The following GPBP1L1 variants were observed in gnomAD, a reference collection of about 807,000 sequenced individuals.
The protein encoded by GPBP1L1 is GC-rich promoter binding protein 1 like 1, also known as vasculin-like protein 1.
In GPBP1L1, 23 loss-of-function variants were observed where a neutral mutation model predicts 52.5. That is an observed-to-expected ratio of 0.44 (90% confidence interval 0.32 to 0.62). The LOEUF is 0.62. Among genes scored for constraint, GPBP1L1 ranks in the 20% least tolerant of loss-of-function variants. The pLI is 0.06. For synonymous variants in GPBP1L1, 243 were observed against 203.1 expected, an observed-to-expected ratio of 1.20 and a Z score of -1.67; for missense variants, 596 against 579.3, an observed-to-expected ratio of 1.03 and a Z score of -0.30.
intron 4 of GPBP1L1, among the ~76,000 whole-genome samples, chr1:45,657,766 T>C (rs915768992): frequency 6.6e-6 from 1 of 152,122 alleles, no homozygotes; most frequent in Admixed American, 6.5e-5. Context: ...GGCGAGAGGA[T>C]TGCTTGAGCC....
At chr1:45,676,583 A>G (rs552292937) in intron 2 of GPBP1L1, among the ~76,000 whole-genome samples, 17 of 151,928 alleles carry the variant, frequency 1.1e-4, no homozygotes, top group African/African-American at 3.4e-4. Flanking sequence ...GGTGGCAGGC[A>G]CCTGTAATCC....
chr1:45,642,404 T>C, intron 7 of GPBP1L1, 23 bp downstream of exon 7: 1 of 1,588,798 alleles, frequency 6.3e-7, no homozygotes, highest in South Asian at 1.1e-5. Flanking sequence ...AGTTGTGCCT[T>C]TAAAATGGCA....
chr1:45,640,220 G>A lies in GPBP1L1; in HGVS notation c.734C>T (p.Pro245Leu). The change falls in exon 8 of 13, where the codon CCT becomes CTT. Residue 245 changes from proline to leucine, a missense_variant. By Grantham distance (98) the Pro-to-Leu change is moderately conservative (BLOSUM62 -3). Transcript: ENST00000355105. ...GATTCTAAATCATACCTTGGAAGGA[G>A]GTGGTACAGGCTTAGGAACCAGGTT... Reference protein sequence around the residue: ...YKNLVPKPVPPPSKPNAWKAN... With the variant: ...YKNLVPKPVPLPSKPNAWKAN... 1 of 1,612,940 alleles carries A rather than the reference G, an allele frequency of 6.2e-7. No individual in the cohort carries two copies. Among genetic ancestry groups the A allele is most frequent in the Non-Finnish European group, 8.5e-7 (1 of 1,178,980 alleles).
At chr1:45,651,589 A>G in intron 6 of GPBP1L1, 1 of 658,676 alleles carries the variant, frequency 1.5e-6, no homozygotes, top group East Asian at 2.8e-5. Context: ...TGAACTGGTT[A>G]ATCGCAGGAG....
intron 2 of GPBP1L1, among the ~76,000 whole-genome samples, chr1:45,671,758 A>G (rs1007436887): frequency 6.6e-6 from 1 of 152,132 alleles, no homozygotes; most frequent in African/African-American, 2.4e-5. Context: ...TGGGAAGCTG[A>G]GGCCGCAGTG....
rs937442603 is a variant in GPBP1L1 at position 45,627,746 on chromosome 1, A to C, written c.*510T>G. On this transcript the variant is annotated 3_prime_UTR_variant, in exon 13 of 13. Coordinates refer to ENST00000355105, the MANE Select transcript of GPBP1L1 (RefSeq NM_021639.5). ...AAAGAAAAAAAAAACAAAAAAAAACAACCAAAAAAACCCACATATGCTTGG... is the reference window on the plus strand; with the variant it reads ...AAAGAAAAAAAAAACAAAAAAAAACCACCAAAAAAACCCACATATGCTTGG... 2 of 152,448 alleles carry C rather than the reference A, an allele frequency of 1.3e-5. No homozygotes were observed. Among genetic ancestry groups the C allele is most frequent in the African/African-American group, 4.8e-5 (2 of 41,428 alleles). 9.4% of individuals were successfully genotyped at this position (152,448 alleles called of 1,614,324 possible).
chr1:45,657,486 T>C (rs961392001), intron 4 of GPBP1L1, among the ~76,000 whole-genome samples: 2 of 152,200 alleles, frequency 1.3e-5, no homozygotes, highest in East Asian at 3.9e-4. Context: ...CAGTAAGCCA[T>C]GATCGCACCA....
chr1:45,653,736 T>C (rs1313947130), intron 6 of GPBP1L1, among the ~76,000 whole-genome samples: 3 of 150,016 alleles, frequency 2.0e-5, no homozygotes, highest in Non-Finnish European at 3.0e-5. Context: ...TCTCACTCTA[T>C]TGCCCAGACT....
In GPBP1L1 at chr1:45,640,381, T is replaced by C. The variant is rs1644656202; in HGVS notation, c.573A>G (p.Gln191=). ...TTTTGATAACTAGCATCTTGGAGGG[T>C]TGCTTGGCACTAGGCGGGTTTTCTG... ...GVWENPPSAK[Q]PSKMLVIKKV... The change falls in exon 8 of 13, where the codon CAA becomes CAG. Residue 191 remains glutamine (Q), a synonymous_variant. Coordinates refer to ENST00000355105, the MANE Select transcript of GPBP1L1 (RefSeq NM_021639.5). 6.2e-7 allele frequency: 1 copy of C among 1,613,778 alleles called. No homozygotes were observed. The highest frequency in any genetic ancestry group is 1.7e-5 in the Admixed American group (1 of 59,986).
intron 6 of GPBP1L1, among the ~76,000 whole-genome samples, chr1:45,648,166 C>T (rs371477249): frequency 4.6e-5 from 7 of 152,116 alleles, no homozygotes; most frequent in Admixed American, 3.9e-4. Flanking sequence ...TCTCAAACTC[C>T]TGGACTCAAG....
intron 5 of GPBP1L1, 69 bp from the exon 6 acceptor site, chr1:45,654,898 G>A (rs1644865848): frequency 6.9e-7 from 1 of 1,442,292 alleles, no homozygotes; most frequent in Admixed American, 2.5e-5. Context: ...ATTGGCCAAA[G>A]GCCTTCAGGA....
chr1:45,683,699 C>A (rs370799634), intron 2 of GPBP1L1, among the ~76,000 whole-genome samples: 1 of 143,416 alleles, frequency 7.0e-6, no homozygotes, highest in Non-Finnish European at 1.5e-5. Flanking sequence ...TCCCTGAGTT[C>A]GAGACCAGCT....
chr1:45,628,932 G>T (rs1408207920), intron 12 of GPBP1L1, among the ~76,000 whole-genome samples: 1 of 152,216 alleles, frequency 6.6e-6, no homozygotes. Context: ...AAAGTGTTGG[G>T]ATTACAGGCG....
Position 45,642,515 on chromosome 1 carries a change from T to C in GPBP1L1, c.478-16A>G. 1 of 1,604,724 alleles carries C rather than the reference T, an allele frequency of 6.2e-7. No individual in the cohort carries two copies. Among genetic ancestry groups the C allele is most frequent in the Non-Finnish European group, 8.5e-7 (1 of 1,171,510 alleles). ...TCAAGGAAGGCTAGGAAAAAAGGGA[T>C]ATGAATGGTTGATACAGAAAGCTGA... On this transcript the variant is annotated splice_polypyrimidine_tract_variant and intron_variant, in intron 6 of 12. Coordinates refer to ENST00000355105, the MANE Select transcript of GPBP1L1 (RefSeq NM_021639.5).
At chr1:45,656,919 C>T (rs568063786) in intron 4 of GPBP1L1, among the ~76,000 whole-genome samples, 1 of 152,178 alleles carries the variant, frequency 6.6e-6, no homozygotes, top group African/African-American at 2.4e-5. Flanking sequence ...TCCTGGCTTT[C>T]AAGCAATCCT....
At chr1:45,642,935 C>T (rs1644692614) in intron 6 of GPBP1L1, among the ~76,000 whole-genome samples, 1 of 152,080 alleles carries the variant, frequency 6.6e-6, no homozygotes, top group Non-Finnish European at 1.5e-5. Context: ...AGGGGCAGAC[C>T]ATATGCCAAG....
intron 2 of GPBP1L1, among the ~76,000 whole-genome samples, chr1:45,678,954 C>T (rs1028121323): frequency 4.6e-5 from 7 of 152,152 alleles, no homozygotes; most frequent in African/African-American, 9.7e-5. Flanking sequence ...AAAAAATGCA[C>T]GGAGTTGTGA....
chr1:45,630,516 C>T lies in GPBP1L1; in HGVS notation c.1135G>A (p.Glu379Lys), dbSNP rs1644516631. The T allele has an allele frequency of 6.2e-7, 1 of 1,613,984 alleles. No homozygotes were observed. The highest frequency in any genetic ancestry group is 1.1e-5 in the South Asian group (1 of 91,078). ...GCTTCTAGAGAGTGTGAGAGAACCT[C>T]CCCTTCTTCCACTACAGGGAGGGCA... Reference protein sequence around the residue: ...GLALPVVEEGEVLSHSLEAEH... With the variant: ...GLALPVVEEGKVLSHSLEAEH... The change falls in exon 11 of 13, where the codon GAG becomes AAG. Residue 379 changes from glutamate to lysine, a missense_variant. Physicochemically the swap from Glu to Lys is moderately conservative, Grantham distance 56. Coordinates refer to ENST00000355105, the MANE Select transcript of GPBP1L1 (RefSeq NM_021639.5).
chr1:45,675,030 G>C (rs1645121330), intron 2 of GPBP1L1, among the ~76,000 whole-genome samples: 1 of 152,090 alleles, frequency 6.6e-6, no homozygotes, highest in African/African-American at 2.4e-5. Context: ...AGGTCTCCAA[G>C]TGAGTGACTT....
Sources: allele counts gnomAD v4.1 joint callset (sites outside exome capture counted in the v4.1 genomes callset), GRCh38; gene constraint gnomAD v4.1.1; transcripts MANE v1.5; gene names NCBI Gene and HGNC (gene_info 2026-07-23, HGNC 2026-07-21).